The following BIN3 variants were observed in gnomAD, a reference collection of about 807,000 sequenced individuals.
BIN3 encodes the protein bridging integrator 3.
Under a neutral mutation model 38.2 loss-of-function variants are expected in BIN3, and 41 were observed. That is an observed-to-expected ratio of 1.07 (90% CI 0.84 to 1.39). The LOEUF (loss-of-function observed/expected upper bound fraction) is 1.39, where lower values mean the gene tolerates loss of function less well. Ranked by LOEUF, BIN3 falls within the 40% of genes most tolerant of loss-of-function variation. The probability of loss-of-function intolerance (pLI) is 0.00; values close to 1 mark genes in which losing one functional copy is unlikely to be tolerated. For synonymous variants in BIN3, 145 were observed against 122.6 expected (o/e 1.18, Z -1.21); for missense variants, 361 against 324.3 (o/e 1.11, Z -0.87).
At chr8:22,623,518 G>A (rs1451702977) in intron 8 of BIN3, among the ~76,000 whole-genome samples, 2 of 152,190 alleles carry the variant, frequency 1.3e-5, no homozygotes, top group Non-Finnish European at 2.9e-5. Flanking sequence ...CAGGGGAGGG[G>A]AGCTGAGTCC....
intron 4 of BIN3, chr8:22,634,599 G>C (rs908178840): frequency 1.1e-5 from 5 of 452,826 alleles, no homozygotes; most frequent in African/African-American, 1.0e-4. Context: ...CGTAACTGCA[G>C]TACCAAGTAG....
intron 1 of BIN3, among the ~76,000 whole-genome samples, chr8:22,661,388 C>T (rs1422021339): frequency 9.7e-5 from 10 of 103,104 alleles, no homozygotes; most frequent in Admixed American, 9.0e-4. Context: ...GATGGAGTCT[C>T]GCTCTATCAC....
At chr8:22,629,325 T>C (rs1405609713) in intron 6 of BIN3, among the ~76,000 whole-genome samples, 1 of 151,862 alleles carries the variant, frequency 6.6e-6, no homozygotes, top group Admixed American at 6.6e-5. Context: ...CCAGGGAAGA[T>C]GAAGTGATTC....
At chr8:22,641,451 G>A (rs1257672419) in intron 2 of BIN3, among the ~76,000 whole-genome samples, 1 of 152,184 alleles carries the variant, frequency 6.6e-6, no homozygotes, top group Non-Finnish European at 1.5e-5. Context: ...CCAAACTTAT[G>A]CTCATGGTGA....
At chr8:22,628,466 A>G (rs1802075042) in intron 6 of BIN3, among the ~76,000 whole-genome samples, 1 of 152,196 alleles carries the variant, frequency 6.6e-6, no homozygotes, top group Admixed American at 6.5e-5. Flanking sequence ...GAAGCCAGCC[A>G]GGCAGGCCTG....
chr8:22,628,216 G>C (rs1003338721), intron 6 of BIN3, among the ~76,000 whole-genome samples: 2 of 152,236 alleles, frequency 1.3e-5, no homozygotes, highest in African/African-American at 4.8e-5. Context: ...TCCGACATGT[G>C]AATACGGCCC....
At chr8:22,652,863 T>C (rs543469322) in intron 1 of BIN3, among the ~76,000 whole-genome samples, 7 of 152,222 alleles carry the variant, frequency 4.6e-5, no homozygotes, top group African/African-American at 1.4e-4. Flanking sequence ...TAGTGTTTGG[T>C]TGCCTCTTCA....
At chr8:22,666,288 G>T (rs971900494) in intron 1 of BIN3, among the ~76,000 whole-genome samples, 1 of 151,152 alleles carries the variant, frequency 6.6e-6, no homozygotes, top group African/African-American at 2.4e-5. Context: ...CTGGAAGATG[G>T]GGAAGAGAGA....
At chr8:22,639,861 C>CT (rs11388602) in intron 2 of BIN3, among the ~76,000 whole-genome samples, 48,066 of 148,360 alleles carry the variant, frequency 0.32, 8,206 homozygotes, top group East Asian at 0.66. Context: ...ACTAGACACA[C>CT]TTTTTTTTTT....
intron 6 of BIN3, chr8:22,625,142 G>A: frequency 1.7e-6 from 1 of 575,606 alleles, no homozygotes; most frequent in South Asian, 2.2e-5. Flanking sequence ...CAGAGGAGTG[G>A]CCCTCAGAGA....
At chr8:22,634,615 C>T (rs922679737) in intron 4 of BIN3, 34 of 446,128 alleles carry the variant, frequency 7.6e-5, no homozygotes, top group South Asian at 4.8e-4. Context: ...AGTAGGAGCA[C>T]ACTGGTCCTC....
intron 1 of BIN3, among the ~76,000 whole-genome samples, chr8:22,654,093 G>T (rs1014995560): frequency 6.6e-6 from 1 of 152,248 alleles, no homozygotes; most frequent in Non-Finnish European, 1.5e-5. Context: ...ATTCTGGGAT[G>T]TAAGGTGGGA....
At chr8:22,647,511 A>G (rs1176457316) in intron 1 of BIN3, among the ~76,000 whole-genome samples, 1 of 152,216 alleles carries the variant, frequency 6.6e-6, no homozygotes, top group Non-Finnish European at 1.5e-5. Flanking sequence ...TGCTACCCAC[A>G]GTTCAATACT....
chr8:22,632,786 G>T (rs1466255402), intron 4 of BIN3, among the ~76,000 whole-genome samples: 1 of 146,108 alleles, frequency 6.8e-6, no homozygotes, highest in Admixed American at 7.1e-5. Context: ...TCGGCTCACT[G>T]CATCCTCCGC....
chr8:22,636,304 G>C (rs1223154214), intron 4 of BIN3, among the ~76,000 whole-genome samples: 7 of 152,236 alleles, frequency 4.6e-5, no homozygotes, highest in African/African-American at 1.7e-4. Context: ...AGTCCCAGGA[G>C]AGCCTTGCCC....
intron 3 of BIN3, 84 bp from the exon 4 acceptor site, chr8:22,636,670 A>G (rs1000763751): frequency 1.5e-5 from 21 of 1,400,986 alleles, no homozygotes; most frequent in Middle Eastern, 3.5e-4. Context: ...GGGCCTGCCA[A>G]GGAGGAGGAG....
At position 22,630,929 on chromosome 8, in the gene BIN3, G is replaced by A. The variant is rs115250062; in HGVS notation, c.161-351C>T. Among the ~76,000 whole-genome samples the A allele has an allele frequency of 4.2e-3, 638 of 152,302 alleles. 4 individuals are homozygous for A. Among genetic ancestry groups the A allele is most frequent in the African/African-American group, 0.015 (615 of 41,544 alleles). ...TACCCAAGAATATGCATTTAAAACC[G>A]CTCTCCAAGTGGTTTGGACGTGATG... is the stretch of plus-strand genomic sequence containing the variant. On this transcript the variant is annotated intron_variant, in intron 4 of 8. Coordinates refer to ENST00000276416, the MANE Select transcript of BIN3 (RefSeq NM_018688.6).
intron 6 of BIN3, among the ~76,000 whole-genome samples, chr8:22,628,981 C>T (rs981554318): frequency 2.0e-5 from 3 of 152,338 alleles, no homozygotes; most frequent in Non-Finnish European, 4.4e-5. Context: ...GGGCCGGAGC[C>T]GGAGGCACAG....
intron 6 of BIN3, chr8:22,625,567 G>C: frequency 3.3e-6 from 2 of 612,600 alleles, no homozygotes; most frequent in Admixed American, 2.7e-5. Flanking sequence ...AGGACTCCCA[G>C]ATGTGCCTCT....
Sources: allele counts gnomAD v4.1 joint callset (sites outside exome capture counted in the v4.1 genomes callset), GRCh38; gene constraint gnomAD v4.1.1; transcripts MANE v1.5; gene names NCBI Gene and HGNC (gene_info 2026-07-23, HGNC 2026-07-21).